SLC25A28: variants seen among roughly 807,000 people sequenced by gnomAD.
SLC25A28 encodes the protein solute carrier family 25 member 28.
Under a neutral mutation model 31.9 loss-of-function variants are expected in SLC25A28, and 10 were observed. The observed-to-expected ratio is 0.31, with a 90% CI of 0.19 to 0.53. SLC25A28 has a LOEUF of 0.53. Among genes scored for constraint, SLC25A28 ranks in the 20% least tolerant of loss-of-function variants. The pLI is 0.95. For synonymous variants in SLC25A28, 208 were observed against 203.6 expected (o/e 1.02, Z -0.19); for missense variants, 256 against 490.3 (o/e 0.52, Z 4.51).
chr10:99,619,288 C>T (rs2034729734), intron 1 of SLC25A28: 1 of 985,408 alleles, frequency 1.0e-6, no homozygotes, highest in Non-Finnish European at 1.2e-6. Context: ...CAACTTCTCC[C>T]TTTTTGCCAA....
the SLC25A28 span, among the ~76,000 whole-genome samples, chr10:99,643,774 C>T: frequency 6.6e-6 from 1 of 152,116 alleles, no homozygotes; most frequent in African/African-American, 2.4e-5. Context: ...TGTCTTTGTT[C>T]TCATTGGTTT....
the SLC25A28 span, among the ~76,000 whole-genome samples, chr10:99,632,597 TCCA>T: frequency 6.6e-6 from 1 of 152,160 alleles, no homozygotes; most frequent in African/African-American, 2.4e-5. Context: ...TATCTGTCCA[TCCA>T]CCATCATAGA....
chr10:99,639,617 G>A, the SLC25A28 span, among the ~76,000 whole-genome samples: 1 of 151,510 alleles, frequency 6.6e-6, no homozygotes, highest in African/African-American at 2.4e-5. Flanking sequence ...CAACCTCATT[G>A]CTTCATGAAA....
the SLC25A28 span, among the ~76,000 whole-genome samples, chr10:99,640,089 C>T: frequency 6.6e-6 from 1 of 152,184 alleles, no homozygotes; most frequent in Non-Finnish European, 1.5e-5. Context: ...CATTTATGAG[C>T]GGCTCACTAT....
the SLC25A28 span, among the ~76,000 whole-genome samples, chr10:99,646,266 C>G: frequency 1.3e-5 from 2 of 152,208 alleles, no homozygotes; most frequent in Non-Finnish European, 2.9e-5. Flanking sequence ...ATGGCGGACG[C>G]CCCTCCCCCA....
the SLC25A28 span, among the ~76,000 whole-genome samples, chr10:99,656,239 G>C: frequency 3.3e-5 from 5 of 152,190 alleles, no homozygotes; most frequent in Admixed American, 2.0e-4. Flanking sequence ...GCACTCAGGA[G>C]GGGCATGGGT....
At chr10:99,649,882 C>T in the SLC25A28 span, among the ~76,000 whole-genome samples, 1 of 152,070 alleles carries the variant, frequency 6.6e-6, no homozygotes, top group Non-Finnish European at 1.5e-5. Context: ...ATTTTGCTTA[C>T]ATTTTCAAAG....
chr10:99,619,947 C>T, intron 1 of SLC25A28, 98 bp downstream of exon 1: 1 of 1,279,792 alleles, frequency 7.8e-7, no homozygotes, highest in Non-Finnish European at 1.0e-6. Flanking sequence ...GGAAGGAACC[C>T]ATGTCGGCTC....
chr10:99,620,216 C>T lies in SLC25A28; in HGVS notation c.120G>A (p.Gly40=). The T allele has an allele frequency of 1.4e-6, 2 of 1,402,864 alleles. No individual in the cohort carries two copies. The highest frequency in any genetic ancestry group is 1.9e-6 in the Non-Finnish European group (2 of 1,079,274). 86.9% of individuals were successfully genotyped at this position (1,402,864 alleles called of 1,614,324 possible). The part of the protein sequence containing the change: ...DGWLQRGVGR[G]AGGGEAGACR... ...AGGCCCCGGCCTCCCCGCCGCCGGC[C>T]CCCCGGCCCACGCCCCGCTGCAGCC... Residue 40 remains glycine, a synonymous_variant, in exon 1 of 4, where the codon GGG becomes GGA. Coordinates refer to ENST00000370495, the MANE Select transcript of SLC25A28 (RefSeq NM_031212.4).
upstream of SLC25A28, among the ~76,000 whole-genome samples, chr10:99,624,981 G>T (rs960296128): frequency 6.6e-6 from 1 of 152,000 alleles, no homozygotes; most frequent in African/African-American, 2.4e-5. Context: ...TGGATTCTTG[G>T]TCTTGCTGAC....
the SLC25A28 span, among the ~76,000 whole-genome samples, chr10:99,643,126 G>A: frequency 1.3e-5 from 2 of 152,168 alleles, no homozygotes; most frequent in Non-Finnish European, 2.9e-5. Context: ...GATTGGAATA[G>A]TTTCAGAAGG....
chr10:99,618,777 C>A (rs1411780915), intron 1 of SLC25A28: 4 of 985,432 alleles, frequency 4.1e-6, no homozygotes, highest in East Asian at 2.3e-4. Context: ...AGCGCTCCCC[C>A]CATTTCCTTA....
upstream of SLC25A28, among the ~76,000 whole-genome samples, chr10:99,625,384 T>C (rs1293139891): frequency 6.6e-6 from 1 of 152,058 alleles, no homozygotes; most frequent in Non-Finnish European, 1.5e-5. Flanking sequence ...AGAGTGCTGA[T>C]TGGTGTGTTT....
At chr10:99,642,204 G>C in the SLC25A28 span, among the ~76,000 whole-genome samples, 1 of 151,564 alleles carries the variant, frequency 6.6e-6, no homozygotes, top group African/African-American at 2.4e-5. Flanking sequence ...CATGAGCATG[G>C]AATGTTCTTC....
Position 99,613,687 on chromosome 10 carries a change from G to C in SLC25A28, c.520+9C>G, listed in dbSNP as rs2034583439. 1.2e-6 allele frequency: 2 copies of C among 1,614,218 alleles called. No individual in the cohort carries two copies. Among genetic ancestry groups the C allele is most frequent in the Non-Finnish European group, 1.7e-6 (2 of 1,180,040 alleles). On this transcript the variant is annotated intron_variant, in intron 2 of 3. Transcript: ENST00000370495. The surrounding 1 kb of genome is among the most constrained non-coding windows in gnomAD (Gnocchi z 4.9). ...AAAGTGGGGGAACCAGCACAGGAAGGCTCAATACCATTGGCAATATGGCTA... is the reference window on the plus strand; with the variant it reads ...AAAGTGGGGGAACCAGCACAGGAAGCCTCAATACCATTGGCAATATGGCTA...
At chr10:99,618,050 T>TA (rs1421558396) in intron 1 of SLC25A28, among the ~76,000 whole-genome samples, 1 of 152,250 alleles carries the variant, frequency 6.6e-6, no homozygotes, top group Non-Finnish European at 1.5e-5. Flanking sequence ...CAAGCAGTAT[T>TA]ACCCATTTTG....
intron 1 of SLC25A28, chr10:99,616,076 A>T (rs574762412): frequency 2.0e-6 from 2 of 985,326 alleles, no homozygotes; most frequent in African/African-American, 3.5e-5. Context: ...TGGCTCCCCA[A>T]ATTTGTGGGC....
At chr10:99,636,709 T>C in the SLC25A28 span, among the ~76,000 whole-genome samples, 2 of 152,266 alleles carry the variant, frequency 1.3e-5, no homozygotes, top group East Asian at 3.9e-4. Flanking sequence ...GATAAATACC[T>C]GGAAAAATAT....
In SLC25A28 at chr10:99,611,052, T is replaced by C; in HGVS notation, c.892A>G (p.Asn298Asp). The change falls in exon 4 of 4, where the codon AAC (asparagine) becomes GAC (aspartate). Residue 298 changes from asparagine to aspartate, a missense_variant. Asn to Asp is a conservative substitution (Grantham distance 23). This residue lies in a region of SLC25A28 where 158 missense variants were observed against 379.1 expected (regional missense o/e 0.42). Coordinates refer to ENST00000370495, the MANE Select transcript of SLC25A28 (RefSeq NM_031212.4). This position sits in a 1 kb window ranked among gnomAD's most constrained non-coding sequence, Gnocchi z 5.5. ...LLNTQESLAL[N>D]SHITGHITGM... is the part of the protein sequence containing the mutation. ...GTGATATGTCCTGTAATGTGTGAGT[T>C]CAAAGCCAAGGACTCCTGGGTGTTG... The C allele has an allele frequency of 6.2e-7, 1 of 1,614,168 alleles. No homozygotes were observed. Among genetic ancestry groups the C allele is most frequent in the Non-Finnish European group, 8.5e-7 (1 of 1,180,014 alleles).
Sources: allele counts gnomAD v4.1 joint callset (sites outside exome capture counted in the v4.1 genomes callset), GRCh38; gene constraint gnomAD v4.1.1; regional missense constraint gnomAD v4.1.1; non-coding constraint Gnocchi (gnomAD v3.1); transcripts MANE v1.5; gene names NCBI Gene and HGNC (gene_info 2026-07-23, HGNC 2026-07-21).